CFAP47: variants seen among roughly 807,000 people sequenced by gnomAD.
The protein encoded by CFAP47 is cilia and flagella associated protein 47.
CFAP47 carries 29 observed loss-of-function variants against 148.1 expected under a neutral mutation model. The ratio of observed to expected loss-of-function variants is 0.20; its 90% CI spans 0.15 to 0.27. The LOEUF is 0.27. Ranked by LOEUF, CFAP47 falls within the 10% of genes least tolerant of loss-of-function variation. The probability of loss-of-function intolerance (pLI) is 1.00; values close to 1 mark genes in which losing one functional copy is unlikely to be tolerated. For synonymous variants in CFAP47, 664 were observed against 577.3 expected (o/e 1.15, Z -2.15); for missense variants, 1,872 against 1,697.5 (o/e 1.10, Z -1.81).
At chrX:35,944,058 G>T (rs1936050630) in intron 3 of CFAP47, among the ~76,000 whole-genome samples, 1 of 111,030 alleles carries the variant, frequency 9.0e-6, no homozygotes. Flanking sequence ...GGTCTACTTT[G>T]TCCAAAATAT....
chrX:36,381,927 C>T (rs1556024219), intron 63 of CFAP47, among the ~76,000 whole-genome samples: 1 of 110,123 alleles, frequency 9.1e-6, no homozygotes, highest in African/African-American at 3.3e-5. Context: ...TATTTATATA[C>T]AGATGTACCT....
At position 36,133,255 on chromosome X, in the gene CFAP47, C is replaced by A. The variant is rs183726201; in HGVS notation, c.5321-4703C>A. Among the ~76,000 whole-genome samples, 58 of 111,187 alleles carry A rather than the reference C, an allele frequency of 5.2e-4. No individual in the cohort carries two copies. The East Asian group carries it at 0.015, about 29-fold the overall frequency. ...AAAGTGAGTCTGGAGAATGTGTACT[C>A]CTTAGTACCTAGTGTAGGGGCAGGC... On this transcript the variant is annotated intron_variant, in intron 33 of 63. Coordinates refer to ENST00000378653, the MANE Select transcript of CFAP47 (RefSeq NM_001304548.2).
intron 8 of CFAP47, among the ~76,000 whole-genome samples, chrX:35,960,650 T>G (rs1051007791): frequency 9.0e-6 from 1 of 111,453 alleles, no homozygotes; most frequent in Non-Finnish European, 1.9e-5. Context: ...AATAGAATTC[T>G]TAGTTTTATT....
chrX:35,923,114 T>G (rs1205665648), intron 1 of CFAP47, among the ~76,000 whole-genome samples: 2 of 111,369 alleles, frequency 1.8e-5, no homozygotes, highest in African/African-American at 6.5e-5. Flanking sequence ...GTTTGTAGTC[T>G]GCTTCCTTAA....
chrX:35,954,512 C>T (rs1266868376), intron 7 of CFAP47, among the ~76,000 whole-genome samples: 6 of 111,478 alleles, frequency 5.4e-5, no homozygotes, highest in African/African-American at 6.5e-5. Flanking sequence ...TATTGAGCTA[C>T]GTCTGCTGAT....
intron 39 of CFAP47, among the ~76,000 whole-genome samples, chrX:36,173,364 C>T (rs1290291602): frequency 9.0e-6 from 1 of 111,450 alleles, no homozygotes; most frequent in Non-Finnish European, 1.9e-5. Flanking sequence ...TTTGCTCTTG[C>T]TTTTCTAGTT....
In CFAP47 at chrX:35,953,619, T is replaced by C. The variant is rs1402603589; in HGVS notation, c.1074T>C (p.Ile358=). Residue 358 remains isoleucine (I), a synonymous_variant, in exon 7 of 64, where the codon ATT becomes ATC. Transcript: ENST00000378653. ...TAATGGCTGTTGGTAAAAAGGATAT[T>C]GGACCTTCATACAGACAGGACTATG... ...PKLMAVGKKD[I]GPSYRQDYAL... is the part of the protein sequence containing the mutation. 1.7e-6 allele frequency: 2 copies of C among 1,193,692 alleles called. No individual in the cohort carries two copies. The highest frequency in any genetic ancestry group is 2.3e-6 in the Non-Finnish European group (2 of 884,720).
chrX:36,115,341 C>G (rs11095425), intron 33 of CFAP47, among the ~76,000 whole-genome samples: 6,540 of 111,499 alleles, frequency 0.059, 516 homozygotes, highest in African/African-American at 0.2. Flanking sequence ...CTATGGTAAG[C>G]TCTTTACTCA....
chrX:36,132,282 T>G (rs1308584447), intron 33 of CFAP47, among the ~76,000 whole-genome samples: 4 of 111,639 alleles, frequency 3.6e-5, no homozygotes, highest in African/African-American at 1.3e-4. Flanking sequence ...TAAAAATGTG[T>G]GGAGCATCAC....
At chrX:36,074,687 T>A (rs1937815407) in intron 29 of CFAP47, among the ~76,000 whole-genome samples, 1 of 111,377 alleles carries the variant, frequency 9.0e-6, no homozygotes, top group African/African-American at 3.3e-5. Flanking sequence ...CAGTGTGGAA[T>A]AATTAAATCA....
intron 29 of CFAP47, among the ~76,000 whole-genome samples, chrX:36,074,890 C>T (rs1386781746): frequency 9.0e-6 from 1 of 111,219 alleles, no homozygotes; most frequent in Non-Finnish European, 1.9e-5. Context: ...TAATATTCAT[C>T]TTTCTATGCC....
chrX:36,164,497 T>C (rs1399524765), intron 39 of CFAP47, among the ~76,000 whole-genome samples: 1 of 112,121 alleles, frequency 8.9e-6, no homozygotes, highest in East Asian at 2.8e-4. Flanking sequence ...TGTGGTTGTG[T>C]GTATGATATA....
At position 36,250,171 on chromosome X, in the gene CFAP47, C is replaced by T. The variant is rs142503528; in HGVS notation, c.7333-1162C>T. On this transcript the variant is annotated intron_variant, in intron 48 of 63. Coordinates refer to ENST00000378653, the MANE Select transcript of CFAP47 (RefSeq NM_001304548.2). ...CCAAGATATGGACTGAACCTGTGTC[C>T]ATCAACAAATGAATGGATAAAGAAA... is the stretch of plus-strand genomic sequence containing the variant. Among the ~76,000 whole-genome samples the T allele has an allele frequency of 5.2e-3, 573 of 111,209 alleles. 1 individual carries two copies. Among genetic ancestry groups the T allele is most frequent in the African/African-American group, 0.018 (547 of 30,747 alleles).
At chrX:36,144,567 C>CTG (rs112700338) in intron 35 of CFAP47, 131,162 of 1,022,778 alleles carry the variant, frequency 0.13, 14,074 homozygotes, top group African/African-American at 0.7. Context: ...CTAGGTGTGT[C>CTG]TGAGGGTGTT....
At chrX:36,145,168 G>T in intron 35 of CFAP47, 51 bp from the exon 36 acceptor site, 1 of 272,703 alleles carries the variant, frequency 3.7e-6, no homozygotes, top group Non-Finnish European at 6.5e-6. Context: ...TACCTATGTA[G>T]AACTCTAACT....
intron 61 of CFAP47, among the ~76,000 whole-genome samples, chrX:36,365,436 A>G (rs1941866549): frequency 9.0e-6 from 1 of 110,747 alleles, no homozygotes; most frequent in African/African-American, 3.3e-5. Flanking sequence ...GGAAAGTACC[A>G]ATAGTGGAAC....
At chrX:36,285,561 C>G in intron 50 of CFAP47, 68 bp from the exon 51 acceptor site, 1 of 477,222 alleles carries the variant, frequency 2.1e-6, no homozygotes, top group Non-Finnish European at 3.7e-6. Context: ...GTTCATGATT[C>G]TCAAATGTGT....
intron 13 of CFAP47, 117 bp from the exon 14 acceptor site, chrX:35,975,030 T>C: frequency 2.4e-6 from 1 of 420,755 alleles, no homozygotes; most frequent in Non-Finnish European, 3.9e-6. Context: ...GTAAATATTT[T>C]TTAAAATTTC....
intron 57 of CFAP47, among the ~76,000 whole-genome samples, chrX:36,328,565 C>T (rs1941536392): frequency 2.7e-5 from 3 of 109,239 alleles, no homozygotes; most frequent in Non-Finnish European, 5.7e-5. Context: ...AATCCCAGCA[C>T]TTTGGGAGGC....
Sources: allele counts gnomAD v4.1 joint callset (sites outside exome capture counted in the v4.1 genomes callset), GRCh38; gene constraint gnomAD v4.1.1; transcripts MANE v1.5; gene names NCBI Gene and HGNC (gene_info 2026-07-23, HGNC 2026-07-21).